Variants in STK33 observed in about 807,000 individuals in gnomAD.
The protein encoded by STK33 is serine/threonine-protein kinase 33.
A neutral mutation model predicts 58.0 loss-of-function variants in STK33; 52 were observed. The ratio of observed to expected loss-of-function variants is 0.90; its 90% confidence interval spans 0.72 to 1.13. The LOEUF (loss-of-function observed/expected upper bound fraction) is 1.13. STK33 is among the 50% of genes most tolerant of loss of function. The pLI, the probability that STK33 is intolerant of heterozygous loss-of-function variation, is 0.00. For synonymous variants in STK33, 215 were observed against 200.1 expected (o/e 1.07, Z -0.63); for missense variants, 630 against 604.2 (o/e 1.04, Z -0.45).
At chr11:8,396,842 C>T (rs1303609798) in intron 15 of STK33, among the ~76,000 whole-genome samples, 1 of 152,184 alleles carries the variant, frequency 6.6e-6, no homozygotes, top group Non-Finnish European at 1.5e-5. Context: ...GAGGGTCCTA[C>T]ACCCATGGAG....
At chr11:8,526,903 A>G (rs1490692230) in intron 1 of STK33, among the ~76,000 whole-genome samples, 1 of 150,656 alleles carries the variant, frequency 6.6e-6, no homozygotes, top group Non-Finnish European at 1.5e-5. Context: ...AGGTAAAACT[A>G]GAGACACATA....
At chr11:8,555,299 A>T (rs1399711197) in intron 1 of STK33, among the ~76,000 whole-genome samples, 1 of 152,160 alleles carries the variant, frequency 6.6e-6, no homozygotes, top group Non-Finnish European at 1.5e-5. Flanking sequence ...GGTAGACAAG[A>T]GGAATGTTTT....
At chr11:8,516,297 C>A (rs754538835) in intron 1 of STK33, among the ~76,000 whole-genome samples, 6 of 152,162 alleles carry the variant, frequency 3.9e-5, no homozygotes, top group Non-Finnish European at 7.4e-5. Flanking sequence ...TAAGAATACA[C>A]AATGGAGAAA....
chr11:8,524,083 A>G (rs952270166), intron 1 of STK33, among the ~76,000 whole-genome samples: 9 of 152,212 alleles, frequency 5.9e-5, no homozygotes, highest in Non-Finnish European at 1.0e-4. Flanking sequence ...AGGGCGGTGC[A>G]AGATGTGCTT....
intron 14 of STK33, among the ~76,000 whole-genome samples, chr11:8,423,157 TCTTA>T (rs1942193769): frequency 6.6e-6 from 1 of 151,406 alleles, no homozygotes; most frequent in Admixed American, 6.6e-5. Context: ...TCTGTTTCTT[TCTTA>T]ATTTCACCAA....
At chr11:8,517,069 G>T (rs1025110166) in intron 1 of STK33, among the ~76,000 whole-genome samples, 2 of 152,184 alleles carry the variant, frequency 1.3e-5, no homozygotes, top group Non-Finnish European at 2.9e-5. Flanking sequence ...AGCCTAACTG[G>T]GAAACGCCTC....
intron 1 of STK33, among the ~76,000 whole-genome samples, chr11:8,583,289 T>C (rs2030773139): frequency 6.6e-6 from 1 of 152,132 alleles, no homozygotes; most frequent in Non-Finnish European, 1.5e-5. Context: ...GTCTTCACTA[T>C]CCCAGTCCCT....
intron 11 of STK33, among the ~76,000 whole-genome samples, chr11:8,450,334 C>G (rs759699215): frequency 1.3e-5 from 2 of 152,024 alleles, no homozygotes; most frequent in Admixed American, 6.6e-5. Context: ...CATGTTCTCA[C>G]TTATAAGTGG....
the STK33 span, among the ~76,000 whole-genome samples, chr11:8,362,846 TTCTG>T: frequency 5.3e-5 from 8 of 151,186 alleles, no homozygotes; most frequent in South Asian, 2.1e-4. Flanking sequence ...ATCCCTCTCT[TTCTG>T]CCTCTCTCCC....
chr11:8,386,220 A>G, the STK33 span, among the ~76,000 whole-genome samples: 1 of 152,214 alleles, frequency 6.6e-6, no homozygotes, highest in East Asian at 1.9e-4. Context: ...ACTGCAGGTA[A>G]GACATTTCTG....
chr11:8,536,857 C>A (rs963143410), intron 1 of STK33, among the ~76,000 whole-genome samples: 1 of 147,484 alleles, frequency 6.8e-6, no homozygotes, highest in Non-Finnish European at 1.5e-5. Flanking sequence ...TCATAGCTCA[C>A]TGCAACCTTG....
chr11:8,433,102 T>C (rs1943606932), intron 14 of STK33, among the ~76,000 whole-genome samples: 1 of 152,346 alleles, frequency 6.6e-6, no homozygotes, highest in Admixed American at 6.5e-5. Flanking sequence ...ACCTACTCAA[T>C]ATAGTTCTGC....
the STK33 span, among the ~76,000 whole-genome samples, chr11:8,373,519 C>T: frequency 5.4e-4 from 82 of 152,188 alleles, no homozygotes; most frequent in Admixed American, 1.8e-3. Flanking sequence ...AGGCTGGGCC[C>T]AGGCATGGCT....
At chr11:8,536,368 C>G (rs1480579803) in intron 1 of STK33, among the ~76,000 whole-genome samples, 1 of 152,084 alleles carries the variant, frequency 6.6e-6, no homozygotes, top group East Asian at 1.9e-4. Context: ...AGCCCAGAGA[C>G]TTCAGAGCAA....
At chr11:8,446,665 A>G (rs1945511759) in intron 11 of STK33, among the ~76,000 whole-genome samples, 2 of 152,284 alleles carry the variant, frequency 1.3e-5, no homozygotes, top group African/African-American at 4.8e-5. Context: ...ATAACACCAC[A>G]TATCTACAAC....
At chr11:8,385,590 TA>T in the STK33 span, among the ~76,000 whole-genome samples, 2 of 152,186 alleles carry the variant, frequency 1.3e-5, no homozygotes, top group Non-Finnish European at 2.9e-5. Flanking sequence ...AATATATAAT[TA>T]TTTTACGCAT....
chr11:8,558,494 C>A (rs534216755), intron 1 of STK33, among the ~76,000 whole-genome samples: 1 of 151,740 alleles, frequency 6.6e-6, no homozygotes, highest in East Asian at 1.9e-4. Flanking sequence ...ATATATGGCA[C>A]CTTACCTTGA....
chr11:8,470,664 T>C (rs893301567), intron 6 of STK33, among the ~76,000 whole-genome samples: 1 of 152,200 alleles, frequency 6.6e-6, no homozygotes, highest in African/African-American at 2.4e-5. Context: ...TGACTCTTCC[T>C]TTCACTTAAA....
At chr11:8,493,183 C>T (rs1441076725) in intron 1 of STK33, among the ~76,000 whole-genome samples, 1 of 151,618 alleles carries the variant, frequency 6.6e-6, no homozygotes, top group East Asian at 1.9e-4. Context: ...AAGATCAACA[C>T]AATTGATGGA....
Sources: allele counts gnomAD v4.1 joint callset (sites outside exome capture counted in the v4.1 genomes callset), GRCh38; gene constraint gnomAD v4.1.1; transcripts MANE v1.5; gene names NCBI Gene and HGNC (gene_info 2026-07-23, HGNC 2026-07-21).